Variants in CSNK1D observed in about 807,000 individuals in gnomAD.
CSNK1D encodes the protein casein kinase 1 delta, also known as casein kinase I isoform delta.
In CSNK1D, 16 loss-of-function variants were observed where a neutral mutation model predicts 46.6. The ratio of observed to expected loss-of-function variants is 0.34; its 90% CI spans 0.23 to 0.52. The LOEUF (loss-of-function observed/expected upper bound fraction) is 0.52, where lower values mean the gene tolerates loss of function less well. Among genes scored for constraint, CSNK1D ranks in the 20% least tolerant of loss-of-function variants. The pLI, the probability that CSNK1D is intolerant of heterozygous loss-of-function variation, is 0.95. For synonymous variants in CSNK1D, 276 were observed against 228.2 expected (o/e 1.21, Z -1.89); for missense variants, 398 against 578.4 (o/e 0.69, Z 3.20).
Position 82,273,181 on chromosome 17 carries a change from C to G in CSNK1D, c.76+125G>C, listed in dbSNP as rs1322662692. On this transcript the variant is annotated intron_variant, in intron 1 of 8. Transcript: ENST00000314028. The surrounding 1 kb of genome is among the most constrained non-coding windows in gnomAD (Gnocchi z 5.1). Reference sequence around the variant, plus strand: ...GTGGCCGTTGGGTTCTGGCCACGATCCGGCGGTGCCGGGACTTGCGCGGAG... The same window carrying G: ...GTGGCCGTTGGGTTCTGGCCACGATGCGGCGGTGCCGGGACTTGCGCGGAG... The G allele has an allele frequency of 4.1e-6, 4 of 976,256 alleles. No homozygotes were observed. The highest frequency in any genetic ancestry group is 6.0e-6 in the Non-Finnish European group (4 of 666,506). The allele number at this position is 976,256 out of a possible 1,614,324, so 60.5% of individuals were successfully genotyped here. A position where few individuals can be genotyped will look rare whatever the true frequency, so the allele number is the denominator to read the frequency against.
intron 2 of CSNK1D, among the ~76,000 whole-genome samples, chr17:82,264,853 A>G (rs1176795773): frequency 2.0e-5 from 3 of 146,398 alleles, no homozygotes; most frequent in African/African-American, 7.8e-5. Context: ...GCTGGACTGC[A>G]GTGGCGCTAT....
Position 82,244,197 on chromosome 17 carries a change from A to C in CSNK1D, c.*584T>G. On this transcript the variant is annotated 3_prime_UTR_variant, in exon 9 of 9. Transcript: ENST00000314028. ...TCTCCTCTCCAAAGCGGACAATAAAACACTGCAAAACAAACACAGCACACA... is the reference window on the plus strand; with the variant it reads ...TCTCCTCTCCAAAGCGGACAATAAACCACTGCAAAACAAACACAGCACACA... 2.0e-6 allele frequency: 2 copies of C among 1,020,918 alleles called. No individual in the cohort carries two copies. The highest frequency in any genetic ancestry group is 2.4e-6 in the Non-Finnish European group (2 of 849,468). 63.2% of individuals were successfully genotyped at this position (1,020,918 alleles called of 1,614,324 possible).
In CSNK1D at chr17:82,273,309, G is replaced by C. The variant is rs773871723; in HGVS notation, c.73C>G (p.Leu25Val). Residue 25 changes from leucine (L) to valine (V), a missense_variant, in exon 1 of 9, where the codon CTC becomes GTC. Transcript: ENST00000314028. The surrounding 1 kb of genome is among the most constrained non-coding windows in gnomAD (Gnocchi z 5.1). Reference protein sequence around the residue: ...IGSGSFGDIYLGTDIAAGEEV... With the variant: ...IGSGSFGDIYVGTDIAAGEEV... ...GGCGGGGGCGGCGGGGCCTCACCGA[G>C]ATAGATGTCTCCGAAGGAGCCGCTG... The C allele has an allele frequency of 6.2e-7, 1 of 1,607,924 alleles. No individual in the cohort carries two copies. Among genetic ancestry groups the C allele is most frequent in the Non-Finnish European group, 8.5e-7 (1 of 1,178,606 alleles).
chr17:82,242,533 G>T, downstream of CSNK1D: 1 of 646,178 alleles, frequency 1.5e-6, no homozygotes, highest in Non-Finnish European at 1.9e-6. Flanking sequence ...CTCCTGCTCT[G>T]CCAGCTCCCA....
chr17:82,247,910 T>C (rs1463495310), intron 8 of CSNK1D: 2 of 985,354 alleles, frequency 2.0e-6, no homozygotes, highest in Non-Finnish European at 2.4e-6. Context: ...ACCCCAATCA[T>C]TAAAAGACGG....
chr17:82,252,190 G>A lies in CSNK1D; in HGVS notation c.736+244C>T, dbSNP rs1326012394. On this transcript the variant is annotated intron_variant, in intron 5 of 8. Transcript: ENST00000314028. The surrounding 1 kb of genome is among the most constrained non-coding windows in gnomAD (Gnocchi z 4.6). The stretch of plus-strand genomic sequence containing the variant: ...GGGCCCTGAGGCTCGGGCCTGCCTT[G>A]CCTGCCATCTCTCCAGGGCCTCCAA... Among the ~76,000 whole-genome samples the A allele has an allele frequency of 2.6e-5, 4 of 152,192 alleles. No homozygotes were observed. Among genetic ancestry groups the A allele is most frequent in the African/African-American group, 9.7e-5 (4 of 41,442 alleles).
downstream of CSNK1D, among the ~76,000 whole-genome samples, chr17:82,241,881 G>A (rs2050745900): frequency 6.6e-6 from 1 of 152,236 alleles, no homozygotes; most frequent in Non-Finnish European, 1.5e-5. Flanking sequence ...GGCAGAGTTG[G>A]CGGGACAGCC....
At chr17:82,253,749 T>C in intron 3 of CSNK1D, 1 of 268,036 alleles carries the variant, frequency 3.7e-6, no homozygotes, top group South Asian at 3.0e-5. Context: ...TCCAGAAGCC[T>C]CGAGAAGCCA....
At position 82,250,345 on chromosome 17, in the gene CSNK1D, G is replaced by A. The variant is rs569546168; in HGVS notation, c.886-743C>T. 4.3e-5 allele frequency: 23 copies of A among 539,474 alleles called. No homozygotes were observed. The highest frequency in any genetic ancestry group is 2.1e-4 in the South Asian group (12 of 58,180). The allele number at this position is 539,474 out of a possible 1,614,324, so 33.4% of individuals were successfully genotyped here. On this transcript the variant is annotated intron_variant, in intron 6 of 8. Coordinates refer to ENST00000314028, the MANE Select transcript of CSNK1D (RefSeq NM_001893.6). This position sits in a 1 kb window ranked among gnomAD's most constrained non-coding sequence, Gnocchi z 4.6. ...CCGACACACCTGCGGCTGCAGCACC[G>A]TGCGGCCAGCACCGCCCAGACTCCT...
chr17:82,248,478 G>A lies in CSNK1D; in HGVS notation c.1197+397C>T. On this transcript the variant is annotated intron_variant, in intron 8 of 8. Coordinates refer to ENST00000314028, the MANE Select transcript of CSNK1D (RefSeq NM_001893.6). The surrounding 1 kb of genome is among the most constrained non-coding windows in gnomAD (Gnocchi z 4.1). ...CTACGGGCCTCCATCCCTGGCCAGT[G>A]GCAAGAATGAGGAAGAATGAGGAAG... is the stretch of plus-strand genomic sequence containing the variant. 9.2e-7 allele frequency: 1 copy of A among 1,085,398 alleles called. No individual in the cohort carries two copies. Among genetic ancestry groups the A allele is most frequent in the Non-Finnish European group, 1.1e-6 (1 of 887,680 alleles). The allele number at this position is 1,085,398 out of a possible 1,614,324, so 67.2% of individuals were successfully genotyped here.
Position 82,265,815 on chromosome 17 carries a change from C to A in CSNK1D, c.77-19G>T. 3 of 1,589,318 alleles carry A rather than the reference C, an allele frequency of 1.9e-6. No homozygotes were observed. Among genetic ancestry groups the A allele is most frequent in the Non-Finnish European group, 2.6e-6 (3 of 1,157,386 alleles). ...TCCGTACCTTGGCAAAGAAAGAAAACCACAACAGGAATTACCTGGTATCCA... is the reference window on the plus strand; with the variant it reads ...TCCGTACCTTGGCAAAGAAAGAAAAACACAACAGGAATTACCTGGTATCCA... On this transcript the variant is annotated intron_variant, in intron 1 of 8. Coordinates refer to ENST00000314028, the MANE Select transcript of CSNK1D (RefSeq NM_001893.6).
In CSNK1D at chr17:82,251,994, A is replaced by C; in HGVS notation, c.736+440T>G. The C allele has an allele frequency of 1.3e-5, 2 of 159,410 alleles. No homozygotes were observed. Among genetic ancestry groups the C allele is most frequent in the South Asian group, 2.8e-4 (2 of 7,122 alleles). The allele number at this position is 159,410 out of a possible 1,614,324, so 9.9% of individuals were successfully genotyped here. On this transcript the variant is annotated intron_variant, in intron 5 of 8. Coordinates refer to ENST00000314028, the MANE Select transcript of CSNK1D (RefSeq NM_001893.6). This position sits in a 1 kb window ranked among gnomAD's most constrained non-coding sequence, Gnocchi z 4.5. Reference sequence around the variant, plus strand: ...TGGCGACAGAGTGAGACTGTGTCTTAAAAAAAAAAAAGAAGTCATAAAGCA... The same window carrying C: ...TGGCGACAGAGTGAGACTGTGTCTTCAAAAAAAAAAAGAAGTCATAAAGCA...
At chr17:82,257,744 TGAG>T (rs1337206497) in intron 2 of CSNK1D, among the ~76,000 whole-genome samples, 1 of 152,144 alleles carries the variant, frequency 6.6e-6, no homozygotes. Flanking sequence ...AGAAGAGAGC[TGAG>T]GAGGAGCCTG....
At chr17:82,265,192 T>TTGG in intron 2 of CSNK1D, 1 of 192,752 alleles carries the variant, frequency 5.2e-6, no homozygotes, top group Non-Finnish European at 1.1e-5. Context: ...TTTTTTTTTT[T>TTGG]GGGGGGGACA....
At position 82,253,053 on chromosome 17, in the gene CSNK1D, C is replaced by T. The variant is rs201785865; in HGVS notation, c.528G>A (p.Thr176=). 3.7e-6 allele frequency: 6 copies of T among 1,614,076 alleles called. No individual in the cohort carries two copies. The East Asian group carries it at 1.1e-4, about 30-fold the overall frequency. ...PYRENKNLTG[T]ARYASINTHL... ...GCGTGTTGATGGAGGCGTACCGCGCCGTCCCCGTGAGGTTCTTGTTCTCAC... is the reference window on the plus strand; with the variant it reads ...GCGTGTTGATGGAGGCGTACCGCGCTGTCCCCGTGAGGTTCTTGTTCTCAC... The change falls in exon 4 of 9, where the codon ACG becomes ACA. Residue 176 remains threonine (T), a synonymous_variant. Transcript: ENST00000314028.
chr17:82,245,934 C>G, intron 8 of CSNK1D: 1 of 1,569,800 alleles, frequency 6.4e-7, no homozygotes, highest in Non-Finnish European at 8.6e-7. Flanking sequence ...GGCTCCCACC[C>G]ACCTGGCGCT....
At chr17:82,240,321 G>A (rs1410193147), downstream of CSNK1D, among the ~76,000 whole-genome samples, 1 of 152,002 alleles carries the variant, frequency 6.6e-6, no homozygotes, top group Non-Finnish European at 1.5e-5. Flanking sequence ...GGAGAAAGAC[G>A]AGGAGGCAGG....
chr17:82,257,519 CTAAGGGAAAGA>C (rs1450894315), intron 2 of CSNK1D, among the ~76,000 whole-genome samples: 1 of 152,136 alleles, frequency 6.6e-6, no homozygotes, highest in Non-Finnish European at 1.5e-5. Context: ...CCTTAAGTAA[CTAAGGGAAAGA>C]ACAAAACACA....
In CSNK1D at chr17:82,250,824, C is replaced by T. The variant is rs2050987308; in HGVS notation, c.885+555G>A. 5.8e-6 allele frequency: 1 copy of T among 173,636 alleles called. No individual in the cohort carries two copies. Among genetic ancestry groups the T allele is most frequent in the Admixed American group, 5.4e-5 (1 of 18,578 alleles). 10.8% of individuals were successfully genotyped at this position (173,636 alleles called of 1,614,324 possible). ...AAGGAACACAACAGTTCCACAGGAGCTTCATTTCTGACAGCGGTGTCTGAA... is the reference window on the plus strand; with the variant it reads ...AAGGAACACAACAGTTCCACAGGAGTTTCATTTCTGACAGCGGTGTCTGAA... On this transcript the variant is annotated intron_variant, in intron 6 of 8. Transcript: ENST00000314028. This position sits in a 1 kb window ranked among gnomAD's most constrained non-coding sequence, Gnocchi z 4.6.
Sources: allele counts gnomAD v4.1 joint callset (sites outside exome capture counted in the v4.1 genomes callset), GRCh38; gene constraint gnomAD v4.1.1; non-coding constraint Gnocchi (gnomAD v3.1); transcripts MANE v1.5; gene names NCBI Gene and HGNC (gene_info 2026-07-23, HGNC 2026-07-21).